Variants in ZMYND8 observed in about 807,000 individuals in gnomAD.
ZMYND8 encodes the protein zinc finger MYND-type containing 8.
In ZMYND8, 37 loss-of-function variants were observed where a neutral mutation model predicts 140.8. That is an observed-to-expected ratio of 0.26 (90% confidence interval 0.20 to 0.35). The LOEUF (loss-of-function observed/expected upper bound fraction) is 0.35. Ranked by LOEUF, ZMYND8 falls within the 10% of genes least tolerant of loss-of-function variation. ZMYND8 has a pLI of 1.00. For synonymous variants in ZMYND8, 592 were observed against 597.1 expected, an observed-to-expected ratio of 0.99 and a Z score of 0.12; for missense variants, 1,068 against 1,570.0, an observed-to-expected ratio of 0.68 and a Z score of 5.40.
intron 14 of ZMYND8, among the ~76,000 whole-genome samples, chr20:47,241,066 C>T (rs2039905732): frequency 1.3e-5 from 2 of 151,666 alleles, no homozygotes; most frequent in African/African-American, 2.4e-5. Context: ...GAGGCCGAGG[C>T]GGGCAGATCA....
chr20:47,340,911 C>T (rs1314830289), intron 2 of ZMYND8, among the ~76,000 whole-genome samples: 1 of 151,962 alleles, frequency 6.6e-6, no homozygotes. Context: ...ATAGAGGACG[C>T]TCTGGATGCT....
chr20:47,350,086 A>C, intron 1 of ZMYND8: 5 of 1,359,574 alleles, frequency 3.7e-6, no homozygotes, highest in Non-Finnish European at 4.7e-6. Flanking sequence ...GGGAAAAAAA[A>C]GTTAAGCTGT....
rs1297259321 is a variant in ZMYND8, at chr20:47,246,312, G to A, written c.1980C>T (p.Asn660=). ...TCAGCTCCTCTTTAATCTCCACTGG[G>A]TTTGTAGGCTTGGGCTTTTTTTTAA... is the stretch of plus-strand genomic sequence containing the variant. ...SAVKKKPKPT[N]PVEIKEELKS... is the part of the protein sequence containing the mutation. Residue 660 remains asparagine, a synonymous_variant, in exon 14 of 23, where the codon AAC becomes AAT. Coordinates refer to ENST00000471951, the MANE Select transcript of ZMYND8 (RefSeq NM_001281775.3). The A allele has an allele frequency of 2.5e-6, 4 of 1,614,104 alleles. No homozygotes were observed. The highest frequency in any genetic ancestry group is 2.2e-5 in the South Asian group (2 of 91,072).
intron 15 of ZMYND8, 34 bp downstream of exon 15, chr20:47,238,724 G>C: frequency 1.3e-6 from 2 of 1,584,414 alleles, no homozygotes; most frequent in Non-Finnish European, 1.7e-6. Context: ...AATGGGAGCG[G>C]GCGCCACGGA....
At chr20:47,260,399 C>T (rs565918489) in intron 12 of ZMYND8, among the ~76,000 whole-genome samples, 3 of 152,324 alleles carry the variant, frequency 2.0e-5, no homozygotes, top group South Asian at 2.1e-4. Flanking sequence ...TCCGACTCCA[C>T]GGACTGGCCT....
At chr20:47,245,085 C>T (rs1261222503) in intron 14 of ZMYND8, among the ~76,000 whole-genome samples, 1 of 152,066 alleles carries the variant, frequency 6.6e-6, no homozygotes, top group East Asian at 1.9e-4. Context: ...AGCCAATACA[C>T]ATATCCACCA....
chr20:47,260,319 A>G (rs1378558230), intron 12 of ZMYND8, among the ~76,000 whole-genome samples: 1 of 152,070 alleles, frequency 6.6e-6, no homozygotes, highest in Admixed American at 6.5e-5. Flanking sequence ...CTGAGATGTG[A>G]AGTCCATTCA....
At chr20:47,266,252 C>T (rs959253049) in intron 11 of ZMYND8, among the ~76,000 whole-genome samples, 2 of 141,666 alleles carry the variant, frequency 1.4e-5, no homozygotes, top group Non-Finnish European at 3.0e-5. Context: ...GCCAAACACA[C>T]CTGGATCATT....
chr20:47,232,198 C>T (rs2038589246), intron 16 of ZMYND8, among the ~76,000 whole-genome samples: 1 of 152,036 alleles, frequency 6.6e-6, no homozygotes, highest in South Asian at 2.1e-4. Context: ...GTGGTGAAAC[C>T]CCGTCTCTAC....
chr20:47,329,359 T>C lies in ZMYND8; in HGVS notation c.85+18497A>G, dbSNP rs767045966. On this transcript the variant is annotated intron_variant, in intron 2 of 22. Transcript: ENST00000471951. ...CTAATCACCTGTGGCTGTCAGACACTTGACACGTGGCCAGGGCAGCTGAGG... is the reference window on the plus strand; with the variant it reads ...CTAATCACCTGTGGCTGTCAGACACCTGACACGTGGCCAGGGCAGCTGAGG... 1.0e-3 allele frequency among the ~76,000 whole-genome samples: 156 copies of C among 152,338 alleles called. 3 individuals are homozygous for C. Among genetic ancestry groups the C allele is most frequent in the Non-Finnish European group, 1.6e-3 (106 of 68,026 alleles).
At chr20:47,291,919 A>G (rs375027216) in intron 5 of ZMYND8, 31 bp from the exon 6 acceptor site, 690 of 1,564,484 alleles carry the variant, frequency 4.4e-4, no homozygotes, top group Non-Finnish European at 5.6e-4. Context: ...AGAGGAACGA[A>G]CCCATCATTA....
At chr20:47,239,354 T>G (rs1177363437) in intron 14 of ZMYND8, among the ~76,000 whole-genome samples, 1 of 152,218 alleles carries the variant, frequency 6.6e-6, no homozygotes, top group East Asian at 1.9e-4. Context: ...AGCGGCCTCC[T>G]TTACTGAGCG....
intron 2 of ZMYND8, among the ~76,000 whole-genome samples, chr20:47,335,566 C>T (rs1169380131): frequency 6.6e-6 from 1 of 152,064 alleles, no homozygotes; most frequent in African/African-American, 2.4e-5. Context: ...AGGCCTCAGC[C>T]CTGATATGCT....
chr20:47,290,483 A>G (rs1461915194), intron 6 of ZMYND8, among the ~76,000 whole-genome samples: 2 of 151,608 alleles, frequency 1.3e-5, no homozygotes, highest in African/African-American at 2.4e-5. Flanking sequence ...ATAAAAATGC[A>G]CTCTTTGAAT....
chr20:47,210,733 G>A lies in ZMYND8; in HGVS notation c.*28C>T. 1 of 1,613,942 alleles carries A rather than the reference G, an allele frequency of 6.2e-7. No individual in the cohort carries two copies. Among genetic ancestry groups the A allele is most frequent in the Non-Finnish European group, 8.5e-7 (1 of 1,179,968 alleles). On this transcript the variant is annotated 3_prime_UTR_variant, in exon 23 of 23. Coordinates refer to ENST00000471951, the MANE Select transcript of ZMYND8 (RefSeq NM_001281775.3). Reference sequence around the variant, plus strand: ...GGCGTCTGGGTTTTTCTCCCAATGGGGTGGGTGGTTTGTGTCCCGATTCAC... The same window carrying A: ...GGCGTCTGGGTTTTTCTCCCAATGGAGTGGGTGGTTTGTGTCCCGATTCAC...
intron 18 of ZMYND8, among the ~76,000 whole-genome samples, chr20:47,225,363 C>G (rs2037528599): frequency 6.6e-6 from 1 of 151,612 alleles, no homozygotes; most frequent in African/African-American, 2.4e-5. Context: ...GAGTTTGAGA[C>G]CAGCCTGGCC....
At chr20:47,294,359 C>A (rs1169354654) in intron 5 of ZMYND8, among the ~76,000 whole-genome samples, 7 of 135,594 alleles carry the variant, frequency 5.2e-5, no homozygotes, top group African/African-American at 1.8e-4. Context: ...CTCAGAAAAA[C>A]AAACAAACAA....
intron 14 of ZMYND8, among the ~76,000 whole-genome samples, chr20:47,242,883 CG>C (rs948895448): frequency 1.3e-5 from 2 of 151,680 alleles, no homozygotes; most frequent in Admixed American, 1.3e-4. Flanking sequence ...TCACCTGTAG[CG>C]GGAAAAAAAG....
At chr20:47,315,689 C>T (rs1177767385) in intron 2 of ZMYND8, among the ~76,000 whole-genome samples, 1 of 152,120 alleles carries the variant, frequency 6.6e-6, no homozygotes, top group Non-Finnish European at 1.5e-5. Flanking sequence ...GGATGTATTG[C>T]CCAGTGCATT....
Sources: allele counts gnomAD v4.1 joint callset (sites outside exome capture counted in the v4.1 genomes callset), GRCh38; gene constraint gnomAD v4.1.1; transcripts MANE v1.5; gene names NCBI Gene and HGNC (gene_info 2026-07-23, HGNC 2026-07-21).